Variants in INTS7 observed in about 807,000 individuals in gnomAD.
INTS7 encodes the protein integrator complex subunit 7, also known as chromosome 1 open reading frame 73.
INTS7 carries 46 observed loss-of-function variants against 109.2 expected under a neutral mutation model. The observed-to-expected ratio is 0.42, with a 90% CI of 0.33 to 0.54. INTS7 has a LOEUF of 0.54. Ranked by LOEUF, INTS7 falls within the 20% of genes least tolerant of loss-of-function variation. The probability of loss-of-function intolerance (pLI) is 0.07; values close to 1 mark genes in which losing one functional copy is unlikely to be tolerated. For missense variants in INTS7, 929 were observed against 1,132.4 expected, an observed-to-expected ratio of 0.82 and a Z score of 2.58; for synonymous variants, 412 against 402.9, an observed-to-expected ratio of 1.02 and a Z score of -0.27.
intron 4 of INTS7, among the ~76,000 whole-genome samples, chr1:212,013,348 A>G (rs1386112675): frequency 6.6e-6 from 1 of 152,226 alleles, no homozygotes. Flanking sequence ...AAAAAAGCTT[A>G]TAGAATAAGG....
chr1:212,034,141 C>A (rs1030159951), intron 1 of INTS7, among the ~76,000 whole-genome samples: 1 of 151,690 alleles, frequency 6.6e-6, no homozygotes, highest in Non-Finnish European at 1.5e-5. Context: ...AGGAGAAAAC[C>A]CCTAAAGATT....
intron 7 of INTS7, among the ~76,000 whole-genome samples, chr1:211,998,748 G>A (rs1317939353): frequency 5.3e-5 from 8 of 150,938 alleles, no homozygotes; most frequent in Admixed American, 5.3e-4. Context: ...CATATTGAGA[G>A]GGAATATTTG....
At chr1:211,962,260 T>TAAAAAAAAAAAAAAAAAAA (rs35134976) in intron 16 of INTS7, among the ~76,000 whole-genome samples, 2 of 79,330 alleles carry the variant, frequency 2.5e-5, no homozygotes, top group African/African-American at 1.0e-4. Context: ...CAACAAAGAT[T>TAAAAAAAAAAAAAAAAAAA]AAAAAAAAAA....
At chr1:212,033,680 T>C (rs1465539186) in intron 1 of INTS7, among the ~76,000 whole-genome samples, 1 of 152,148 alleles carries the variant, frequency 6.6e-6, no homozygotes, top group Non-Finnish European at 1.5e-5. Flanking sequence ...ACCAGAATGG[T>C]AGAAAATGTC....
chr1:212,021,473 C>A (rs773686805), intron 1 of INTS7, among the ~76,000 whole-genome samples: 1 of 151,532 alleles, frequency 6.6e-6, no homozygotes, highest in African/African-American at 2.4e-5. Flanking sequence ...TAAAATAAAT[C>A]TCAACACATT....
At chr1:212,015,295 G>T (rs1039635165) in intron 4 of INTS7, among the ~76,000 whole-genome samples, 2 of 152,188 alleles carry the variant, frequency 1.3e-5, no homozygotes, top group Non-Finnish European at 2.9e-5. Context: ...AAGAAAGAAA[G>T]ATCAGATTGT....
chr1:212,022,829 C>T (rs76977450), intron 1 of INTS7, among the ~76,000 whole-genome samples: 3,980 of 152,206 alleles, frequency 0.026, 59 homozygotes, highest in African/African-American at 0.046. Context: ...GTCTGGGGTA[C>T]GCATGATCCC....
At chr1:211,995,141 T>C (rs1006675802) in intron 7 of INTS7, among the ~76,000 whole-genome samples, 4 of 152,130 alleles carry the variant, frequency 2.6e-5, no homozygotes, top group Admixed American at 6.5e-5. Context: ...TTAATAATTA[T>C]GCCTAATTAG....
rs986387354 is a variant in INTS7 at position 211,946,714 on chromosome 1, A to G, written c.2317-9T>C. On this transcript the variant is annotated splice_polypyrimidine_tract_variant and intron_variant, in intron 17 of 19. Transcript: ENST00000366994. This position sits in a 1 kb window ranked among gnomAD's most constrained non-coding sequence, Gnocchi z 4.3. ...CAGAGGCATGCTGTGTGCTGGGGGA[A>G]AAAAGAAACTAAATCAAATAAAAAT... The G allele has an allele frequency of 5.7e-6, 9 of 1,577,624 alleles. No individual in the cohort carries two copies. The highest frequency in any genetic ancestry group is 7.8e-6 in the Non-Finnish European group (9 of 1,154,350).
At chr1:211,975,958 T>G (rs201916996) in intron 12 of INTS7, among the ~76,000 whole-genome samples, 2 of 284 alleles carry the variant, frequency 7.0e-3, no homozygotes, top group South Asian at 0.5. Flanking sequence ...ATCCCCAAGG[T>G]TTTTTTTTTT....
At position 211,952,692 on chromosome 1, in the gene INTS7, T is replaced by G; in HGVS notation, c.2193A>C (p.Glu731Asp). The change falls in exon 17 of 20, where the codon GAA (glutamate) becomes GAC (aspartate). Residue 731 changes from glutamate (E) to aspartate (D), a missense_variant. Around this residue, in one of 2 missense-constraint regions of INTS7, gnomAD observed 787 missense variants for 901.1 expected, o/e 0.87. Transcript: ENST00000366994. ...CATGGGCTGTTCCAGTAGATCCATATTCCTGGAAACTGAAGTAAAGGTCAA... is the reference window on the plus strand; with the variant it reads ...CATGGGCTGTTCCAGTAGATCCATAGTCCTGGAAACTGAAGTAAAGGTCAA... ...ILDPESASFQ[E>D]YGSTGTAHAD... 6.2e-7 allele frequency: 1 copy of G among 1,612,038 alleles called. No homozygotes were observed. Among genetic ancestry groups the G allele is most frequent in the Non-Finnish European group, 8.5e-7 (1 of 1,178,792 alleles).
rs1303687044 is a variant in INTS7, at chr1:212,007,594, AC to A, written c.557-146del. The stretch of plus-strand genomic sequence containing the variant: ...TTATAACATTAAAGATTATACTAGA[AC>A]CAATTGATAAATTCAATATTTTTTC... On this transcript the variant is annotated intron_variant, in intron 5 of 19. Transcript: ENST00000366994. 8.7e-5 allele frequency: 51 copies of A among 586,234 alleles called. No individual in the cohort carries two copies. In the Admixed American group the frequency reaches 1.5e-3, roughly 17 times the overall value. The allele number at this position is 586,234 out of a possible 1,614,324, so 36.3% of individuals were successfully genotyped here.
At position 212,016,987 on chromosome 1, in the gene INTS7, C is replaced by T. The variant is rs780282055; in HGVS notation, c.408G>A (p.Arg136=). 1 of 1,601,310 alleles carries T rather than the reference C, an allele frequency of 6.2e-7. No homozygotes were observed. Among genetic ancestry groups the T allele is most frequent in the East Asian group, 2.3e-5 (1 of 43,830 alleles). The change falls in exon 4 of 20, where the codon AGG becomes AGA. Residue 136 remains arginine, a synonymous_variant. Coordinates refer to ENST00000366994, the MANE Select transcript of INTS7 (RefSeq NM_015434.4). ...LGSLASIIPE[R]KNAHHSIRQS... ...GACGAATACTATGATGAGCATTCTTCCTCTCAGGAATTATTGATGCCAGAC... is the reference window on the plus strand; with the variant it reads ...GACGAATACTATGATGAGCATTCTTTCTCTCAGGAATTATTGATGCCAGAC...
At chr1:211,974,190 A>C (rs1664297549) in intron 13 of INTS7, among the ~76,000 whole-genome samples, 4 of 150,610 alleles carry the variant, frequency 2.7e-5, no homozygotes, top group African/African-American at 9.7e-5. Flanking sequence ...AGTTCTATTG[A>C]TCTCAACCAG....
At chr1:211,983,650 C>T (rs551595368) in intron 8 of INTS7, among the ~76,000 whole-genome samples, 2 of 152,214 alleles carry the variant, frequency 1.3e-5, no homozygotes, top group South Asian at 2.1e-4. Flanking sequence ...CCATGATTCT[C>T]GTCAACTTCA....
At chr1:212,014,690 T>A (rs191920496) in intron 4 of INTS7, among the ~76,000 whole-genome samples, 26 of 150,780 alleles carry the variant, frequency 1.7e-4, no homozygotes, top group Admixed American at 6.6e-5. Flanking sequence ...GGATTGCAGG[T>A]GCGCCGCCAC....
intron 1 of INTS7, among the ~76,000 whole-genome samples, chr1:212,029,877 C>T (rs1667079519): frequency 6.6e-6 from 1 of 152,122 alleles, no homozygotes; most frequent in South Asian, 2.1e-4. Flanking sequence ...AAATTGATGG[C>T]AAAGCCCATT....
intron 4 of INTS7, among the ~76,000 whole-genome samples, chr1:212,012,562 A>G (rs1478525426): frequency 6.6e-6 from 1 of 152,208 alleles, no homozygotes; most frequent in Non-Finnish European, 1.5e-5. Flanking sequence ...TCGAGGCTGC[A>G]GTGAGCCATG....
chr1:212,013,943 G>A (rs1452705269), intron 4 of INTS7, among the ~76,000 whole-genome samples: 1 of 152,168 alleles, frequency 6.6e-6, no homozygotes, highest in East Asian at 1.9e-4. Flanking sequence ...ATAGTTAAGA[G>A]ACGTGTGACT....
Sources: gnomAD v4.1 joint callset for allele counts (sites outside exome capture counted in the v4.1 genomes callset) on GRCh38, gnomAD v4.1.1 for gene constraint, gnomAD v4.1.1 regional missense constraint, Gnocchi (gnomAD v3.1) non-coding constraint, MANE v1.5 for transcripts, NCBI Gene and HGNC (gene_info 2026-07-23, HGNC 2026-07-21) for gene names.